The following TRANK1 variants were observed in gnomAD, a reference collection of about 807,000 sequenced individuals.
TRANK1 encodes tetratricopeptide repeat and ankyrin repeat containing 1, also known as TPR and ankyrin repeat-containing protein 1.
A neutral mutation model predicts 266.0 loss-of-function variants in TRANK1; 198 were observed. The ratio of observed to expected loss-of-function variants is 0.74; its 90% CI spans 0.66 to 0.84. The LOEUF is 0.84. Among genes scored for constraint, TRANK1 ranks in the 40% least tolerant of loss-of-function variants. TRANK1 has a pLI of 0.00. For missense variants in TRANK1, 3,326 were observed against 3,634.6 expected (o/e 0.92, Z 2.18); for synonymous variants, 1,396 against 1,384.1 (o/e 1.01, Z -0.19).
chr3:36,834,960 A>T, intron 20 of TRANK1, 53 bp from the exon 21 acceptor site: 1 of 1,482,422 alleles, frequency 6.7e-7, no homozygotes, highest in South Asian at 1.3e-5. Flanking sequence ...TTAACTTTCT[A>T]ATCTTAAACC....
At chr3:36,916,673 T>A (rs949009873) in intron 1 of TRANK1, among the ~76,000 whole-genome samples, 1 of 151,944 alleles carries the variant, frequency 6.6e-6, no homozygotes, top group South Asian at 2.1e-4. Context: ...CCAATAAGAG[T>A]TCCTGATGAA....
At chr3:36,913,386 C>T (rs971655695) in intron 1 of TRANK1, among the ~76,000 whole-genome samples, 2 of 149,700 alleles carry the variant, frequency 1.3e-5, no homozygotes, top group Non-Finnish European at 3.0e-5. Context: ...TTCTTTCTTG[C>T]CTGTTTGCTT....
intron 4 of TRANK1, among the ~76,000 whole-genome samples, chr3:36,896,636 T>C (rs1275597860): frequency 6.6e-6 from 1 of 152,138 alleles, no homozygotes; most frequent in Non-Finnish European, 1.5e-5. Flanking sequence ...GGGGCAGCCA[T>C]CAAGAAGCAG....
At chr3:36,933,769 A>G (rs1025233474) in intron 1 of TRANK1, among the ~76,000 whole-genome samples, 1 of 152,228 alleles carries the variant, frequency 6.6e-6, no homozygotes. Context: ...AATATTTGGT[A>G]AAAACATAGC....
rs535193903 is a variant in TRANK1, at chr3:36,881,023, C to G, written c.908-6727G>C. ...GGTCATGGGTCTGTGGCATCTACAA[C>G]CCTGTGCACCTTAAATTCAAGCCAC... On this transcript the variant is annotated intron_variant, in intron 8 of 23. Transcript: ENST00000645898. 5.6e-4 allele frequency among the ~76,000 whole-genome samples: 85 copies of G among 151,648 alleles called. 3 individuals carry two copies. The South Asian group carries it at 0.017, about 30-fold the overall frequency.
At chr3:36,901,103 T>C (rs1378638776) in intron 3 of TRANK1, among the ~76,000 whole-genome samples, 6 of 70,500 alleles carry the variant, frequency 8.5e-5, no homozygotes, top group South Asian at 8.5e-4. Flanking sequence ...TCAAGGTTGT[T>C]TTTTTTTTTT....
At chr3:36,880,218 T>C in intron 8 of TRANK1, 1 of 215,334 alleles carries the variant, frequency 4.6e-6, no homozygotes, top group Admixed American at 5.0e-5. Context: ...AGTTAGTCTT[T>C]CTTCATAAAA....
chr3:36,922,161 A>G (rs2080224753), intron 1 of TRANK1, among the ~76,000 whole-genome samples: 1 of 151,920 alleles, frequency 6.6e-6, no homozygotes, highest in Non-Finnish European at 1.5e-5. Context: ...AAATAATAAT[A>G]ATAATAAATA....
intron 15 of TRANK1, chr3:36,850,294 G>T (rs2078969458): frequency 7.1e-6 from 7 of 985,398 alleles, no homozygotes; most frequent in Non-Finnish European, 8.4e-6. Context: ...TAACAGGAAA[G>T]GAATGTACAT....
chr3:36,935,064 A>G (rs980492571), intron 1 of TRANK1, among the ~76,000 whole-genome samples: 6 of 152,176 alleles, frequency 3.9e-5, no homozygotes, highest in African/African-American at 1.4e-4. Flanking sequence ...AGATTAAAAA[A>G]GACCCCAAGA....
chr3:36,842,776 G>A lies in TRANK1; in HGVS notation c.5192-66C>T, dbSNP rs562712592. On this transcript the variant is annotated intron_variant, in intron 17 of 23. Transcript: ENST00000645898. Reference sequence around the variant, plus strand: ...TCTTTCACTTAAAACTGTTGTTATGGGCTGAGTTGCATCTCCTCCGCCAGC... The same window carrying A: ...TCTTTCACTTAAAACTGTTGTTATGAGCTGAGTTGCATCTCCTCCGCCAGC... The A allele has an allele frequency of 3.3e-5, 47 of 1,410,496 alleles. No individual in the cohort carries two copies. The South Asian group carries it at 3.6e-4, about 11-fold the overall frequency. 87.4% of individuals were successfully genotyped at this position (1,410,496 alleles called of 1,614,324 possible).
chr3:36,887,646 C>T (rs6769447), intron 8 of TRANK1, among the ~76,000 whole-genome samples: 2 of 152,246 alleles, frequency 1.3e-5, no homozygotes, highest in African/African-American at 4.8e-5. Context: ...CCATCGTTAG[C>T]GTTACTGTAT....
At chr3:36,940,896 A>G (rs2080487717) in intron 1 of TRANK1, among the ~76,000 whole-genome samples, 1 of 152,246 alleles carries the variant, frequency 6.6e-6, no homozygotes, top group Admixed American at 6.5e-5. Context: ...GCCAGATTAT[A>G]GATGGCCTTA....
chr3:36,943,305 C>T (rs114481592), intron 1 of TRANK1, among the ~76,000 whole-genome samples: 1 of 151,784 alleles, frequency 6.6e-6, no homozygotes, highest in Non-Finnish European at 1.5e-5. Flanking sequence ...TGTGTGTGTG[C>T]GTATATATGT....
Position 36,831,161 on chromosome 3 carries a change from C to G in TRANK1, c.8422G>C (p.Glu2808Gln). 1 of 1,614,044 alleles carries G rather than the reference C, an allele frequency of 6.2e-7. No homozygotes were observed. Among genetic ancestry groups the G allele is most frequent in the Non-Finnish European group, 8.5e-7 (1 of 1,179,908 alleles). ...TCGCTGTTCCTCTCCTGACACTCCT[C>G]CCTTTCCAGCTCAGCCCTGGAAAGG... ...AVLSRAELER[E>Q]ECQERNSESY... Residue 2808 changes from glutamate to glutamine, a missense_variant, in exon 22 of 24, where the codon GAG (glutamate) becomes CAG (glutamine). Physicochemically the swap from Glu to Gln is conservative, Grantham distance 29 (BLOSUM62 2). Coordinates refer to ENST00000645898, the MANE Select transcript of TRANK1 (RefSeq NM_001329998.2). This position sits in a 1 kb window ranked among gnomAD's most constrained non-coding sequence, Gnocchi z 5.0.
chr3:36,892,249 A>G lies in TRANK1; in HGVS notation c.728T>C (p.Ile243Thr). 6.5e-7 allele frequency: 1 copy of G among 1,537,228 alleles called. No homozygotes were observed. The highest frequency in any genetic ancestry group is 8.7e-7 in the Non-Finnish European group (1 of 1,146,892). Reference sequence around the variant, plus strand: ...GAGGGCATGAAGGGGATACGGTCCTATAGTCTCAACACTTGCACCAATGGA... The same window carrying G: ...GAGGGCATGAAGGGGATACGGTCCTGTAGTCTCAACACTTGCACCAATGGA... ...LISIGASVET[I>T]GPYPLHALMR... is the part of the protein sequence containing the mutation. Residue 243 changes from isoleucine (I) to threonine (T), a missense_variant, in exon 7 of 24, where the codon ATA becomes ACA. By Grantham distance (89) the Ile-to-Thr change is moderately conservative. Transcript: ENST00000645898.
At chr3:36,860,761 T>C in intron 11 of TRANK1, 145 bp downstream of exon 11, 1 of 1,259,324 alleles carries the variant, frequency 7.9e-7, no homozygotes, top group African/African-American at 1.5e-5. Flanking sequence ...TCCATCACTG[T>C]TTCAAAACAA....
intron 9 of TRANK1, among the ~76,000 whole-genome samples, chr3:36,866,052 AAAAGAAAGAAAGAAAGAAAGAAAGAAAG>A (rs56714482): frequency 1.9e-3 from 248 of 127,874 alleles, no homozygotes; most frequent in African/African-American, 6.8e-3. Context: ...GACAGAAAGA[AAAAGAAAGAAAGAAAGAAAGAAAGAAAG>A]AAAGAAAGAA....
At chr3:36,853,206 T>C (rs1388142600) in intron 13 of TRANK1, among the ~76,000 whole-genome samples, 1 of 152,086 alleles carries the variant, frequency 6.6e-6, no homozygotes, top group Non-Finnish European at 1.5e-5. Context: ...GATGAGACAA[T>C]TGCACTTTTA....
Sources: allele counts gnomAD v4.1 joint callset (sites outside exome capture counted in the v4.1 genomes callset), GRCh38; gene constraint gnomAD v4.1.1; non-coding constraint Gnocchi (gnomAD v3.1); transcripts MANE v1.5; gene names NCBI Gene and HGNC (gene_info 2026-07-23, HGNC 2026-07-21).